The following NPIPA5 variants were observed in gnomAD, a reference collection of about 807,000 sequenced individuals.
NPIPA5 encodes nuclear pore complex interacting protein family member A5, also known as nuclear pore complex-interacting protein family member A5.
NPIPA5 carries 6 observed loss-of-function variants against 21.4 expected under a neutral mutation model. The ratio of observed to expected loss-of-function variants is 0.28; its 90% confidence interval spans 0.15 to 0.55. The LOEUF is 0.55. Among genes scored for constraint, NPIPA5 ranks in the 20% least tolerant of loss-of-function variants. The probability of loss-of-function intolerance (pLI) is 0.93; values close to 1 mark genes in which losing one functional copy is unlikely to be tolerated. For synonymous variants in NPIPA5, 33 were observed against 115.3 expected (o/e 0.29, Z 4.57); for missense variants, 99 against 318.2 (o/e 0.31, Z 5.24).
At chr16:15,381,081 C>G, upstream of NPIPA5, 1 of 1,537,360 alleles carries the variant, frequency 6.5e-7, no homozygotes, top group South Asian at 1.2e-5. Flanking sequence ...ATGATGAGTG[C>G]CAACCTATTA....
chr16:15,380,414 CT>C (rs1374252529), upstream of NPIPA5, among the ~76,000 whole-genome samples: 1 of 151,956 alleles, frequency 6.6e-6, no homozygotes, highest in African/African-American at 2.4e-5. Flanking sequence ...CCTCCACCTC[CT>C]GAATTTCAGC....
At chr16:15,381,376 T>A (rs2050431440), upstream of NPIPA5, 1 of 544,456 alleles carries the variant, frequency 1.8e-6, no homozygotes, top group Non-Finnish European at 2.3e-6. Context: ...TCGGTCATAA[T>A]TAGTGGGATC....
chr16:15,372,477 T>C (rs1228393118), intron 2 of NPIPA5, among the ~76,000 whole-genome samples: 1 of 144,314 alleles, frequency 6.9e-6, no homozygotes, highest in African/African-American at 2.5e-5. Context: ...AGAGGGAGAC[T>C]CCTCTTGGGG....
intron 2 of NPIPA5, among the ~76,000 whole-genome samples, chr16:15,370,948 G>T (rs2050140479): frequency 7.6e-6 from 1 of 130,834 alleles, no homozygotes; most frequent in African/African-American, 2.7e-5. Flanking sequence ...TCCGGAGGCT[G>T]AGGCAGGAGA....
At chr16:15,377,700 A>C (rs1598408519) in intron 1 of NPIPA5, among the ~76,000 whole-genome samples, 1 of 70,682 alleles carries the variant, frequency 1.4e-5, no homozygotes, top group Non-Finnish European at 3.0e-5. Context: ...AAAGGAGGAG[A>C]AGGGGGCTGT....
At chr16:15,376,726 C>T (rs373357897) in intron 1 of NPIPA5, among the ~76,000 whole-genome samples, 14 of 152,136 alleles carry the variant, frequency 9.2e-5, no homozygotes, top group African/African-American at 2.9e-4. Flanking sequence ...ACTATCCTGG[C>T]GAACATGGTG....
At chr16:15,369,483 C>G (rs1407117413) in intron 4 of NPIPA5, among the ~76,000 whole-genome samples, 1 of 151,466 alleles carries the variant, frequency 6.6e-6, no homozygotes, top group Admixed American at 6.6e-5. Flanking sequence ...AAAGGAAAAC[C>G]AATGCCAGTA....
At chr16:15,379,075 C>T (rs2050376654), upstream of NPIPA5, among the ~76,000 whole-genome samples, 1 of 151,990 alleles carries the variant, frequency 6.6e-6, no homozygotes, top group African/African-American at 2.4e-5. Context: ...CTAAACTTCC[C>T]ACAGGCCTTC....
chr16:15,369,215 G>A (rs2150857348), intron 4 of NPIPA5, among the ~76,000 whole-genome samples: 1 of 148,816 alleles, frequency 6.7e-6, no homozygotes, highest in Admixed American at 6.8e-5. Context: ...CAGCACTTTG[G>A]GAGGCTGAGG....
At position 15,366,811 on chromosome 16, in the gene NPIPA5, C is replaced by A. The variant is rs1429261007; in HGVS notation, c.438-51G>T. 7.3e-6 allele frequency: 11 copies of A among 1,504,710 alleles called. No individual in the cohort carries two copies. In the Middle Eastern group the frequency reaches 9.3e-4, roughly 128 times the overall value. The allele number at this position is 1,504,710 out of a possible 1,614,324, so 93.2% of individuals were successfully genotyped here. A position where few individuals can be genotyped will look rare whatever the true frequency, so the allele number is the denominator to read the frequency against. On this transcript the variant is annotated intron_variant, in intron 4 of 7. Coordinates refer to ENST00000360151, the MANE Select transcript of NPIPA5 (RefSeq NM_001277325.2). The stretch of plus-strand genomic sequence containing the variant: ...ATGATCCACCAGCCCGTGTGGGATT[C>A]CCTCTGCCCTTCTGGCATCTGAAGG...
intron 1 of NPIPA5, among the ~76,000 whole-genome samples, chr16:15,376,987 C>G (rs61566288): frequency 0.19 from 29,478 of 151,758 alleles, 3,562 homozygotes; most frequent in East Asian, 0.54. Flanking sequence ...AACAAACAAA[C>G]AAAAAAGTCA....
chr16:15,366,991 G>C (rs1361808846), intron 4 of NPIPA5, among the ~76,000 whole-genome samples: 1 of 151,980 alleles, frequency 6.6e-6, no homozygotes, highest in African/African-American at 2.4e-5. Context: ...CATCTTCATA[G>C]TTCCATAGTT....
chr16:15,367,484 G>C (rs1027972121), intron 4 of NPIPA5, among the ~76,000 whole-genome samples: 1 of 151,928 alleles, frequency 6.6e-6, no homozygotes, highest in African/African-American at 2.4e-5. Context: ...ACTTTAACAA[G>C]GTTCAGTTCA....
At chr16:15,377,098 C>T (rs1240459455) in intron 1 of NPIPA5, among the ~76,000 whole-genome samples, 5 of 151,998 alleles carry the variant, frequency 3.3e-5, no homozygotes, top group African/African-American at 9.7e-5. Flanking sequence ...CTCACTGCAA[C>T]GTCCAGCTCC....
intron 2 of NPIPA5, among the ~76,000 whole-genome samples, chr16:15,371,091 C>T (rs1314032126): frequency 1.4e-5 from 2 of 142,632 alleles, no homozygotes; most frequent in South Asian, 4.8e-4. Context: ...CACAACTGAA[C>T]TGTACACTTC....
intron 1 of NPIPA5, among the ~76,000 whole-genome samples, chr16:15,375,793 A>G (rs2150879087): frequency 6.6e-6 from 1 of 151,486 alleles, no homozygotes; most frequent in South Asian, 2.1e-4. Flanking sequence ...AATGGCATGA[A>G]TAGTGTGGGA....
chr16:15,372,428 T>A (rs1166628463), intron 2 of NPIPA5, among the ~76,000 whole-genome samples: 1 of 142,420 alleles, frequency 7.0e-6, no homozygotes, highest in Non-Finnish European at 1.5e-5. Flanking sequence ...GAGGTTGCAG[T>A]GAGCCGAGAT....
In NPIPA5 at chr16:15,367,464, G is replaced by C. The variant is rs995676032; in HGVS notation, c.438-704C>G. On this transcript the variant is annotated intron_variant, in intron 4 of 7. Transcript: ENST00000360151. ...TGACAACGGCAAACCATCCACCCTG[G>C]TGTTGACTGACTTTAACAAGGTTCA... Among the ~76,000 whole-genome samples, 110 of 152,146 alleles carry C rather than the reference G, an allele frequency of 7.2e-4. 1 individual carries two copies. The highest frequency in any genetic ancestry group is 2.4e-3 in the African/African-American group (99 of 41,436).
At chr16:15,370,645 G>C (rs1026517540) in intron 2 of NPIPA5, among the ~76,000 whole-genome samples, 4 of 142,162 alleles carry the variant, frequency 2.8e-5, no homozygotes, top group African/African-American at 1.0e-4. Context: ...CAGCTAGTCG[G>C]GAGGCTGAGG....
Sources: gnomAD v4.1 joint callset for allele counts (sites outside exome capture counted in the v4.1 genomes callset) on GRCh38, gnomAD v4.1.1 for gene constraint, MANE v1.5 for transcripts, NCBI Gene and HGNC (gene_info 2026-07-23, HGNC 2026-07-21) for gene names.